Variants in MR1 observed in about 807,000 individuals in gnomAD.
The protein encoded by MR1 is major histocompatibility complex, class I-related.
In MR1, 44 loss-of-function variants were observed where a neutral mutation model predicts 37.8. The ratio of observed to expected loss-of-function variants is 1.16; its 90% CI spans 0.91 to 1.50. MR1 has a LOEUF of 1.50. Among genes scored for constraint, MR1 ranks in the 40% most tolerant of loss-of-function variants. The probability of loss-of-function intolerance (pLI) is 0.00; values close to 1 mark genes in which losing one functional copy is unlikely to be tolerated. For missense variants in MR1, 386 were observed against 419.1 expected, an observed-to-expected ratio of 0.92 and a Z score of 0.69; for synonymous variants, 153 against 155.8, an observed-to-expected ratio of 0.98 and a Z score of 0.13.
chr1:181,039,549 C>T (rs1249298047), intron 1 of MR1, among the ~76,000 whole-genome samples: 1 of 152,162 alleles, frequency 6.6e-6, no homozygotes, highest in Non-Finnish European at 1.5e-5. Context: ...ATTCCTTGTA[C>T]ATAGTAGACA....
chr1:181,033,788 T>C, upstream of MR1: 1 of 471,796 alleles, frequency 2.1e-6, no homozygotes, highest in Non-Finnish European at 3.8e-6. Context: ...TGAAGATAGA[T>C]ACACCAAAAG....
chr1:181,033,883 C>T (rs1277727223), upstream of MR1: 5 of 650,114 alleles, frequency 7.7e-6, no homozygotes, highest in Admixed American at 3.7e-5. Context: ...TTTTTTTAAC[C>T]TAGCAACTGA....
In MR1 at chr1:181,038,970, A is replaced by AT. The variant is rs1301402457; in HGVS notation, c.67+4902dup. Among the ~76,000 whole-genome samples the AT allele has an allele frequency of 9.2e-5, 14 of 151,796 alleles. No individual in the cohort carries two copies. The East Asian group carries it at 1.4e-3, about 15-fold the overall frequency. ...AGGCATGCGCCACCACACCCAGCTA[A>AT]TTTTTTGCATTTTTAGTAGGGACAG... On this transcript the variant is annotated intron_variant, in intron 1 of 5. Transcript: ENST00000367580.
intron 2 of MR1, 149 bp from the exon 3 acceptor site, chr1:181,049,862 C>T: frequency 1.2e-6 from 1 of 850,696 alleles, no homozygotes; most frequent in Non-Finnish European, 1.8e-6. Context: ...ATAAGGGGGA[C>T]CTCCTGGGGA....
Position 181,052,510 on chromosome 1 carries a change from G to T in MR1, c.880G>T (p.Glu294Ter), listed in dbSNP as rs1446942434. 3.7e-6 allele frequency: 6 copies of T among 1,610,420 alleles called. No individual in the cohort carries two copies. The highest frequency in any genetic ancestry group is 4.2e-6 in the Non-Finnish European group (5 of 1,176,958). The change falls in exon 4 of 6, where the codon GAA becomes TAA. Residue 294 changes from glutamate (E) to a stop codon, truncating the protein, a stop_gained and splice_region_variant. Coordinates refer to ENST00000367580, the MANE Select transcript of MR1 (RefSeq NM_001385161.1). LOFTEE classifies it high-confidence loss of function. ...CCACATGGTTCTTCAGGTCCCCCAG[G>T]GTAAGGACGGGGATCGTGGCTGTCT... The part of the protein sequence containing the change: ...GVHMVLQVPQ[E>*]SETIPLVMKA...
intron 1 of MR1, among the ~76,000 whole-genome samples, chr1:181,036,589 A>C (rs1657283888): frequency 6.6e-6 from 1 of 152,196 alleles, no homozygotes; most frequent in Non-Finnish European, 1.5e-5. Flanking sequence ...AGGAAATGTC[A>C]ACATAACTCC....
chr1:181,053,622 C>T lies in MR1; in HGVS notation c.930C>T (p.Val310=), dbSNP rs775730900. ...LVMKAVSGSI[V]LVIVLAGVGV... is the part of the protein sequence containing the mutation. ...TGAAAGCTGTCTCTGGGTCCATTGT[C>T]CTTGTCATTGTGCTGGCTGGAGTTG... is the stretch of plus-strand genomic sequence containing the variant. The change falls in exon 5 of 6, where the codon GTC becomes GTT. Residue 310 remains valine (V), a synonymous_variant. Transcript: ENST00000367580. 3.7e-6 allele frequency: 6 copies of T among 1,613,934 alleles called. No homozygotes were observed. The highest frequency in any genetic ancestry group is 5.1e-6 in the Non-Finnish European group (6 of 1,179,880).
rs1571403507 is a variant in MR1, at chr1:181,055,371, A to G, written c.*106A>G. 2.0e-6 allele frequency: 2 copies of G among 978,926 alleles called. No individual in the cohort carries two copies. Among genetic ancestry groups the G allele is most frequent in the Non-Finnish European group, 3.2e-6 (2 of 621,814 alleles). The allele number at this position is 978,926 out of a possible 1,614,324, so 60.6% of individuals were successfully genotyped here. ...TGAAGGTCCTGACGACACCCACAACATACATGAGAGTAATGGGATTGAGCA... is the reference window on the plus strand; with the variant it reads ...TGAAGGTCCTGACGACACCCACAACGTACATGAGAGTAATGGGATTGAGCA... On this transcript the variant is annotated 3_prime_UTR_variant, in exon 6 of 6. Coordinates refer to ENST00000367580, the MANE Select transcript of MR1 (RefSeq NM_001385161.1).
chr1:181,033,743 T>G (rs997257853), upstream of MR1: 4 of 343,110 alleles, frequency 1.2e-5, no homozygotes, highest in African/African-American at 8.4e-5. Flanking sequence ...TGAACATGAC[T>G]ATGCTCCATA....
At chr1:181,038,228 A>G (rs539774142) in intron 1 of MR1, among the ~76,000 whole-genome samples, 2 of 152,298 alleles carry the variant, frequency 1.3e-5, no homozygotes, top group African/African-American at 4.8e-5. Context: ...CACAAGCCAA[A>G]CTTGTCACAG....
chr1:181,035,024 G>A (rs1266824844), intron 1 of MR1, among the ~76,000 whole-genome samples: 2 of 152,070 alleles, frequency 1.3e-5, no homozygotes, highest in African/African-American at 4.8e-5. Context: ...CATATGGCTG[G>A]GAGTGGTGGC....
chr1:181,049,014 G>A, intron 1 of MR1, 38 bp from the exon 2 acceptor site: 1 of 1,596,484 alleles, frequency 6.3e-7, no homozygotes, highest in Non-Finnish European at 8.5e-7. Flanking sequence ...TGGATCATCT[G>A]GGACCCTACA....
At position 181,052,520 on chromosome 1, in the gene MR1, G is replaced by T; in HGVS notation, c.880+10G>T. On this transcript the variant is annotated intron_variant, in intron 4 of 5. Transcript: ENST00000367580. Reference sequence around the variant, plus strand: ...CTTCAGGTCCCCCAGGGTAAGGACGGGGATCGTGGCTGTCTAGGGAGAGAG... The same window carrying T: ...CTTCAGGTCCCCCAGGGTAAGGACGTGGATCGTGGCTGTCTAGGGAGAGAG... 6.2e-7 allele frequency: 1 copy of T among 1,608,404 alleles called. No individual in the cohort carries two copies. Among genetic ancestry groups the T allele is most frequent in the Non-Finnish European group, 8.5e-7 (1 of 1,175,512 alleles).
At position 181,052,234 on chromosome 1, in the gene MR1, G is replaced by C. The variant is rs756165030; in HGVS notation, c.605-1G>C. Reference sequence around the variant, plus strand: ...ATTTAACTTTAGCTTCTTCTTCCTAGAGCCCCCACTGGTCAGAGTAAATCG... The same window carrying C: ...ATTTAACTTTAGCTTCTTCTTCCTACAGCCCCCACTGGTCAGAGTAAATCG... On this transcript the variant is annotated splice_acceptor_variant, in intron 3 of 5. Transcript: ENST00000367580. LOFTEE classifies it high-confidence loss of function. 30 of 1,612,694 alleles carry C rather than the reference G, an allele frequency of 1.9e-5. No individual in the cohort carries two copies. Among genetic ancestry groups the C allele is most frequent in the Non-Finnish European group, 2.4e-5 (28 of 1,179,014 alleles).
chr1:181,047,775 C>T (rs113251298), intron 1 of MR1, among the ~76,000 whole-genome samples: 1,549 of 151,150 alleles, frequency 0.01, 24 homozygotes, highest in African/African-American at 0.036. Flanking sequence ...TGGCACGCGC[C>T]TGTAGTCCCA....
upstream of MR1, chr1:181,033,898 A>G (rs1259318541): frequency 4.0e-6 from 3 of 756,330 alleles, no homozygotes; most frequent in Non-Finnish European, 6.3e-6. Flanking sequence ...AACTGATGAC[A>G]CTGCATATCT....
At chr1:181,046,201 C>T (rs1657854525) in intron 1 of MR1, among the ~76,000 whole-genome samples, 1 of 152,256 alleles carries the variant, frequency 6.6e-6, no homozygotes, top group Non-Finnish European at 1.5e-5. Flanking sequence ...CACCCAAGGG[C>T]TGAGGAGTGC....
Position 181,053,584 on chromosome 1 carries a change from A to G in MR1, c.892A>G (p.Ile298Val). 1 of 1,613,288 alleles carries G rather than the reference A, an allele frequency of 6.2e-7. No homozygotes were observed. The highest frequency in any genetic ancestry group is 1.1e-5 in the South Asian group (1 of 91,060). The change falls in exon 5 of 6, where the codon ATC becomes GTC. Residue 298 changes from isoleucine (I) to valine (V), a missense_variant. By Grantham distance (29) the Ile-to-Val change is conservative. Transcript: ENST00000367580. Reference protein sequence around the residue: ...VLQVPQESETIPLVMKAVSGS... With the variant: ...VLQVPQESETVPLVMKAVSGS... ...TTGCTTGCTTTCAGAATCAGAAACT[A>G]TCCCTCTTGTGATGAAAGCTGTCTC...
At chr1:181,047,100 A>C (rs910487055) in intron 1 of MR1, among the ~76,000 whole-genome samples, 6 of 152,096 alleles carry the variant, frequency 3.9e-5, no homozygotes, top group Non-Finnish European at 8.8e-5. Context: ...CCTTGAAACC[A>C]CTTTGTCTCC....
Sources: allele counts gnomAD v4.1 joint callset (sites outside exome capture counted in the v4.1 genomes callset), GRCh38; gene constraint gnomAD v4.1.1; transcripts MANE v1.5; gene names NCBI Gene and HGNC (gene_info 2026-07-23, HGNC 2026-07-21).